The following YARS1 variants were observed in gnomAD, a reference collection of about 807,000 sequenced individuals.
YARS1 encodes tyrosyl-tRNA synthetase 1.
YARS1 carries 36 observed loss-of-function variants against 62.2 expected under a neutral mutation model. The observed-to-expected ratio is 0.58, with a 90% confidence interval of 0.44 to 0.76. The LOEUF is 0.76. YARS1 is among the 30% of genes least tolerant of loss of function. The pLI is 0.00. For synonymous variants in YARS1, 234 were observed against 244.9 expected, an observed-to-expected ratio of 0.96 and a Z score of 0.42; for missense variants, 524 against 639.8, an observed-to-expected ratio of 0.82 and a Z score of 1.95.
intron 4 of YARS1, among the ~76,000 whole-genome samples, chr1:32,799,420 T>A (rs897936286): frequency 6.6e-6 from 1 of 152,174 alleles, no homozygotes; most frequent in Non-Finnish European, 1.5e-5. Flanking sequence ...GACTCATGGG[T>A]TGGAGACAAA....
intron 4 of YARS1, among the ~76,000 whole-genome samples, chr1:32,804,377 C>T (rs1227910002): frequency 6.6e-6 from 1 of 150,876 alleles, no homozygotes; most frequent in Non-Finnish European, 1.5e-5. Flanking sequence ...GGGGTTGCCC[C>T]CCACCTCCCT....
At chr1:32,811,894 C>G (rs1379419406) in intron 1 of YARS1, among the ~76,000 whole-genome samples, 1 of 152,174 alleles carries the variant, frequency 6.6e-6, no homozygotes, top group African/African-American at 2.4e-5. Flanking sequence ...TTTAAGCCCC[C>G]CAACTGTCGG....
At chr1:32,780,614 C>A in intron 10 of YARS1, 1 of 423,474 alleles carries the variant, frequency 2.4e-6, no homozygotes, top group Non-Finnish European at 4.4e-6. Flanking sequence ...AAATCCATGT[C>A]GAAGGGAAAA....
At chr1:32,810,506 A>C in intron 3 of YARS1, 85 bp downstream of exon 3, 1 of 1,560,282 alleles carries the variant, frequency 6.4e-7, no homozygotes, top group Non-Finnish European at 8.8e-7. Context: ...TTCTAATCTA[A>C]ATGTAAAGAA....
chr1:32,794,562 G>T (rs1192196240), intron 5 of YARS1, among the ~76,000 whole-genome samples: 2 of 151,518 alleles, frequency 1.3e-5, no homozygotes, highest in African/African-American at 4.8e-5. Context: ...GCTAATTTTT[G>T]TATTTTTACT....
At position 32,775,878 on chromosome 1, in the gene YARS1, G is replaced by T; in HGVS notation, c.*103C>A. ...ACCGAATAAAGAGTCCAAACCCGCT[G>T]CTTCCGTGTCCTGAGAGATGGGTAA... On this transcript the variant is annotated 3_prime_UTR_variant, in exon 13 of 13. Transcript: ENST00000373477. 1.8e-6 allele frequency: 2 copies of T among 1,108,606 alleles called. No homozygotes were observed. The highest frequency in any genetic ancestry group is 2.7e-6 in the Non-Finnish European group (2 of 735,972). The allele number at this position is 1,108,606 out of a possible 1,614,324, so 68.7% of individuals were successfully genotyped here.
At chr1:32,802,979 T>G (rs113379352) in intron 4 of YARS1, among the ~76,000 whole-genome samples, 1 of 800 alleles carries the variant, frequency 1.3e-3, no homozygotes, top group Non-Finnish European at 5.1e-3. Context: ...CGCCTGGCTA[T>G]TTTTTTTTTT....
At chr1:32,782,571 A>G (rs2148601531) in intron 8 of YARS1, 32 bp from the exon 9 acceptor site, 2 of 1,614,044 alleles carry the variant, frequency 1.2e-6, no homozygotes, top group Non-Finnish European at 1.7e-6. Context: ...AGTGAGATAA[A>G]GTCTAGAACA....
intron 3 of YARS1, among the ~76,000 whole-genome samples, chr1:32,809,820 G>A (rs6686315): frequency 0.014 from 2,162 of 152,280 alleles, 61 homozygotes; most frequent in African/African-American, 0.049. Flanking sequence ...GAAAGAGTAA[G>A]TTAGGCTGGG....
At chr1:32,787,687 G>A (rs773981537) in intron 6 of YARS1, among the ~76,000 whole-genome samples, 8 of 151,670 alleles carry the variant, frequency 5.3e-5, no homozygotes, top group Non-Finnish European at 8.8e-5. Context: ...TTTTGTTTTT[G>A]TATTTTTAGT....
chr1:32,804,990 G>C (rs984751292), intron 4 of YARS1, among the ~76,000 whole-genome samples: 10 of 152,184 alleles, frequency 6.6e-5, no homozygotes, highest in Non-Finnish European at 1.3e-4. Flanking sequence ...CGGCACCTCG[G>C]GACGCCGAGG....
intron 4 of YARS1, among the ~76,000 whole-genome samples, chr1:32,805,308 C>T (rs1638434991): frequency 7.0e-6 from 1 of 143,230 alleles, no homozygotes; most frequent in East Asian, 2.1e-4. Flanking sequence ...AGCCACCTTG[C>T]ACTTTTATGT....
intron 1 of YARS1, among the ~76,000 whole-genome samples, chr1:32,815,000 G>A (rs1043858328): frequency 3.9e-5 from 6 of 152,114 alleles, no homozygotes; most frequent in African/African-American, 1.4e-4. Flanking sequence ...CCCTGACAAC[G>A]TGGACACTTG....
intron 6 of YARS1, among the ~76,000 whole-genome samples, chr1:32,789,350 G>A (rs1764903): frequency 0.17 from 26,401 of 152,028 alleles, 2,673 homozygotes; most frequent in African/African-American, 0.26. Flanking sequence ...CATTGCTGTC[G>A]ACAATGTGTG....
At chr1:32,785,750 T>G (rs559376408) in intron 8 of YARS1, among the ~76,000 whole-genome samples, 26 of 151,804 alleles carry the variant, frequency 1.7e-4, no homozygotes, top group African/African-American at 6.0e-4. Flanking sequence ...GCCTGGCTAC[T>G]TTTTTGTATT....
chr1:32,805,391 C>T (rs1638436502), intron 4 of YARS1, among the ~76,000 whole-genome samples: 1 of 152,076 alleles, frequency 6.6e-6, no homozygotes. Flanking sequence ...AAGACAGGGC[C>T]TTTCTCTAGA....
chr1:32,805,193 G>A (rs779752673), intron 4 of YARS1, among the ~76,000 whole-genome samples: 3 of 136,238 alleles, frequency 2.2e-5, no homozygotes, highest in South Asian at 2.6e-4. Context: ...GTCCAGCCTC[G>A]GCTCGGCATC....
intron 4 of YARS1, among the ~76,000 whole-genome samples, chr1:32,801,027 TTTA>T (rs899215243): frequency 1.3e-5 from 2 of 152,332 alleles, no homozygotes; most frequent in East Asian, 1.9e-4. Context: ...GTTTATTTCC[TTTA>T]TTAAGATTAT....
Position 32,775,728 on chromosome 1 carries a change from G to GGTA in YARS1, c.*252_*253insTAC, listed in dbSNP as rs1652833183. The GGTA allele has an allele frequency of 1.8e-6, 1 of 559,736 alleles. No homozygotes were observed. Among genetic ancestry groups the GGTA allele is most frequent in the Admixed American group, 3.1e-5 (1 of 32,610 alleles). The allele number at this position is 559,736 out of a possible 1,614,324, so 34.7% of individuals were successfully genotyped here. On this transcript the variant is annotated 3_prime_UTR_variant, in exon 13 of 13. Coordinates refer to ENST00000373477, the MANE Select transcript of YARS1 (RefSeq NM_003680.4). ...GAAACCAGATTTCTCCAGCTGCCAA[G>GGTA]GGAAGAAGGTAGGGCTGGACTCCCT...
Sources: allele counts gnomAD v4.1 joint callset (sites outside exome capture counted in the v4.1 genomes callset), GRCh38; gene constraint gnomAD v4.1.1; transcripts MANE v1.5; gene names NCBI Gene and HGNC (gene_info 2026-07-23, HGNC 2026-07-21).